ODAD2: variants seen among roughly 807,000 people sequenced by gnomAD.
ODAD2 encodes the protein outer dynein arm-docking complex subunit 2.
ODAD2 carries 89 observed loss-of-function variants against 106.8 expected under a neutral mutation model. The ratio of observed to expected loss-of-function variants is 0.83; its 90% confidence interval spans 0.70 to 0.99. The LOEUF (loss-of-function observed/expected upper bound fraction) is 0.99. ODAD2 is among the 50% of genes least tolerant of loss of function. ODAD2 has a pLI of 0.00. For missense variants in ODAD2, 1,168 were observed against 1,238.5 expected (o/e 0.94, Z 0.85); for synonymous variants, 404 against 436.2 (o/e 0.93, Z 0.92).
intron 17 of ODAD2, among the ~76,000 whole-genome samples, chr10:27,882,173 A>AAAGAAAGAAAGAAAG (rs1554799031): frequency 0.012 from 1,321 of 109,656 alleles, 14 homozygotes; most frequent in Non-Finnish European, 0.016. Flanking sequence ...GTCATAAAAA[A>AAAGAAAGAAAGAAAG]AAAGAAAGAA....
At chr10:27,835,039 G>T (rs1837759792) in intron 19 of ODAD2, among the ~76,000 whole-genome samples, 1 of 152,194 alleles carries the variant, frequency 6.6e-6, no homozygotes, top group Non-Finnish European at 1.5e-5. Context: ...CGCAGGGGTT[G>T]CGGCACAGCA....
chr10:27,964,744 T>A (rs1848382073), intron 9 of ODAD2, among the ~76,000 whole-genome samples: 1 of 152,194 alleles, frequency 6.6e-6, no homozygotes, highest in Admixed American at 6.5e-5. Flanking sequence ...GCTCAGTACC[T>A]TGTCCACTTT....
At chr10:27,812,689 G>C in intron 19 of ODAD2, 64 bp from the exon 20 acceptor site, 2 of 1,486,026 alleles carry the variant, frequency 1.3e-6, no homozygotes, top group Non-Finnish European at 1.8e-6. Flanking sequence ...AAGACATAAA[G>C]TTAGGCTAGG....
intron 16 of ODAD2, among the ~76,000 whole-genome samples, chr10:27,918,666 T>C (rs1844562013): frequency 6.6e-6 from 1 of 151,828 alleles, no homozygotes; most frequent in Non-Finnish European, 1.5e-5. Context: ...ACTCATTTGA[T>C]TGTAACAGAG....
At position 27,985,167 on chromosome 10, in the gene ODAD2, T is replaced by C. The variant is rs1432468402; in HGVS notation, c.427A>G (p.Thr143Ala). ...IVKILGSDYNTMKENSIALNI... is the reference protein window; with the variant it reads ...IVKILGSDYNAMKENSIALNI... ...AATGCAATTGAGTTTTCTTTCATTG[T>C]ATTATAATCAGAGCCCAGGATTTTT... The change falls in exon 4 of 20, where the codon ACA becomes GCA. Residue 143 changes from threonine to alanine, a missense_variant. This residue lies in a region of ODAD2 where 430 missense variants were observed against 452.2 expected (regional missense o/e 0.95). Coordinates refer to ENST00000305242, the MANE Select transcript of ODAD2 (RefSeq NM_018076.5). 17 of 1,585,908 alleles carry C rather than the reference T, an allele frequency of 1.1e-5. No individual in the cohort carries two copies. The highest frequency in any genetic ancestry group is 1.7e-5 in the Admixed American group (1 of 57,566).
chr10:27,860,583 T>C (rs758409088), intron 19 of ODAD2, 42 bp downstream of exon 19: 21 of 1,583,258 alleles, frequency 1.3e-5, no homozygotes, highest in Non-Finnish European at 1.6e-5. Flanking sequence ...CCAGGCTACA[T>C]TTACCAAACT....
chr10:27,961,986 C>G (rs1588618335), intron 9 of ODAD2, among the ~76,000 whole-genome samples: 1 of 152,114 alleles, frequency 6.6e-6, no homozygotes, highest in African/African-American at 2.4e-5. Flanking sequence ...AGGATCACTT[C>G]AGCCCAGGAG....
At chr10:27,870,218 CCTCAATCTTTTCTCTCCCAAT>C (rs1215053837) in intron 17 of ODAD2, among the ~76,000 whole-genome samples, 1 of 152,020 alleles carries the variant, frequency 6.6e-6, no homozygotes, top group Non-Finnish European at 1.5e-5. Context: ...TCTGGCCCAA[CCTCAATCTTTTCTCTCCCAAT>C]CTCAATCTTT....
intron 17 of ODAD2, among the ~76,000 whole-genome samples, chr10:27,899,103 A>G (rs757470055): frequency 6.6e-6 from 1 of 151,888 alleles, no homozygotes; most frequent in African/African-American, 2.4e-5. Context: ...TTTCCAATTG[A>G]GGTACCCATC....
In ODAD2 at chr10:27,869,876, A is replaced by G. The variant is rs574666992; in HGVS notation, c.2611-7254T>C. On this transcript the variant is annotated intron_variant, in intron 17 of 19. Transcript: ENST00000305242. Reference sequence around the variant, plus strand: ...AGGGAAAGAATAAGACATTATCATTAGACTTTCCAACAGTGATGTTTGATG... The same window carrying G: ...AGGGAAAGAATAAGACATTATCATTGGACTTTCCAACAGTGATGTTTGATG... Among the ~76,000 whole-genome samples the G allele has an allele frequency of 3.3e-5, 5 of 152,252 alleles. No individual in the cohort carries two copies. In the South Asian group the frequency reaches 6.2e-4, roughly 19 times the overall value.
intron 10 of ODAD2, 29 bp from the exon 11 acceptor site, chr10:27,944,991 T>A: frequency 6.2e-7 from 1 of 1,612,550 alleles, no homozygotes; most frequent in Non-Finnish European, 8.5e-7. Context: ...AGAGAAAGGT[T>A]AAGGAACACC....
At chr10:27,919,998 T>A (rs1433373948) in intron 16 of ODAD2, among the ~76,000 whole-genome samples, 5 of 151,864 alleles carry the variant, frequency 3.3e-5, no homozygotes, top group African/African-American at 1.2e-4. Flanking sequence ...TCAGATACAC[T>A]CCAAACAGAA....
Position 27,924,614 on chromosome 10 carries a change from GAAAAAAAAA to G in ODAD2, c.2495+10387_2495+10395del, listed in dbSNP as rs60226782. 4.7e-4 allele frequency among the ~76,000 whole-genome samples: 6 copies of G among 12,648 alleles called. No homozygotes were observed. In the South Asian group the frequency reaches 8.9e-3, roughly 19 times the overall value. The allele number at this position is 12,648 out of a possible 152,430, so 8.3% of individuals were successfully genotyped here. A position where few individuals can be genotyped will look rare whatever the true frequency, so the allele number is the denominator to read the frequency against. ...CCATACTAGCTAAATTGATTAGGAG[GAAAAAAAAA>G]AAAAAAAAAAAAAAAAACAGAAGAA... On this transcript the variant is annotated intron_variant, in intron 16 of 19. Transcript: ENST00000305242.
intron 6 of ODAD2, among the ~76,000 whole-genome samples, chr10:27,982,600 T>C (rs1207925211): frequency 1.3e-5 from 2 of 152,160 alleles, no homozygotes; most frequent in African/African-American, 4.8e-5. Flanking sequence ...CCAAAAGGCA[T>C]GTCAGAAAGA....
upstream of ODAD2, among the ~76,000 whole-genome samples, chr10:27,999,633 A>G (rs533433768): frequency 1.1e-3 from 164 of 149,248 alleles, no homozygotes; most frequent in African/African-American, 3.8e-3. Context: ...AAGAGCCCCA[A>G]CTGGAACACC....
At chr10:27,951,928 A>G (rs1477114665) in intron 10 of ODAD2, among the ~76,000 whole-genome samples, 1 of 151,894 alleles carries the variant, frequency 6.6e-6, no homozygotes, top group Non-Finnish European at 1.5e-5. Flanking sequence ...TACAAAAATT[A>G]GCCAGGTATA....
chr10:27,988,720 C>T (rs1179292521), intron 2 of ODAD2, among the ~76,000 whole-genome samples: 1 of 152,008 alleles, frequency 6.6e-6, no homozygotes, highest in Non-Finnish European at 1.5e-5. Flanking sequence ...ATCTGACCAA[C>T]CGAGATTACT....
Position 27,926,004 on chromosome 10 carries a change from T to TAAA in ODAD2, c.2495+9003_2495+9005dup, listed in dbSNP as rs34649733. Among the ~76,000 whole-genome samples, 463 of 102,942 alleles carry TAAA rather than the reference T, an allele frequency of 4.5e-3. 4 individuals carry two copies. Among genetic ancestry groups the TAAA allele is most frequent in the African/African-American group, 0.015 (422 of 27,644 alleles). The allele number at this position is 102,942 out of a possible 152,430, so 67.5% of individuals were successfully genotyped here. On this transcript the variant is annotated intron_variant, in intron 16 of 19. Transcript: ENST00000305242. ...CTGGGTGACAGAGTGAGACTCCAGCTAAAAAAAAAAAAAAAAAAAAGTAAC... is the reference window on the plus strand; with the variant it reads ...CTGGGTGACAGAGTGAGACTCCAGCTAAAAAAAAAAAAAAAAAAAAAAAGTAAC...
intron 10 of ODAD2, among the ~76,000 whole-genome samples, chr10:27,952,117 C>CTGCAA (rs1847384212): frequency 8.4e-6 from 1 of 118,716 alleles, no homozygotes; most frequent in African/African-American, 2.8e-5. Flanking sequence ...AAATAAATAC[C>CTGCAA]TGCAATTAGT....
Sources: gnomAD v4.1 joint callset for allele counts (sites outside exome capture counted in the v4.1 genomes callset) on GRCh38, gnomAD v4.1.1 for gene constraint, gnomAD v4.1.1 regional missense constraint, MANE v1.5 for transcripts, NCBI Gene and HGNC (gene_info 2026-07-23, HGNC 2026-07-21) for gene names.